Variants in PHLDB2 observed in about 807,000 individuals in gnomAD.
PHLDB2 encodes the protein pleckstrin homology-like domain family B member 2.
In PHLDB2, 71 loss-of-function variants were observed where a neutral mutation model predicts 123.6. That is an observed-to-expected ratio of 0.57 (90% CI 0.47 to 0.70). PHLDB2 has a LOEUF of 0.70. Ranked by LOEUF, PHLDB2 falls within the 30% of genes least tolerant of loss-of-function variation. The pLI is 0.00. For missense variants in PHLDB2, 1,446 were observed against 1,519.5 expected (o/e 0.95, Z 0.80); for synonymous variants, 547 against 541.6 (o/e 1.01, Z -0.14).
chr3:111,884,035 G>T, intron 1 of PHLDB2, 29 bp from the exon 2 acceptor site: 1 of 1,570,132 alleles, frequency 6.4e-7, no homozygotes, highest in South Asian at 1.2e-5. Context: ...CTTCTTTAAG[G>T]CAAAATTTTC....
intron 2 of PHLDB2, among the ~76,000 whole-genome samples, chr3:111,900,966 C>T (rs2067160298): frequency 6.6e-6 from 1 of 152,024 alleles, no homozygotes; most frequent in African/African-American, 2.4e-5. Context: ...AAGCGATCCT[C>T]CTGCCTCAGC....
chr3:111,901,378 AAC>A (rs1166277361), intron 2 of PHLDB2, among the ~76,000 whole-genome samples: 4 of 150,860 alleles, frequency 2.7e-5, no homozygotes, highest in Admixed American at 1.3e-4. Context: ...AAAAAAAATT[AAC>A]ACATAATATT....
chr3:111,800,191 G>A (rs1465493262), intron 1 of PHLDB2, among the ~76,000 whole-genome samples: 2 of 152,108 alleles, frequency 1.3e-5, no homozygotes, highest in Non-Finnish European at 2.9e-5. Flanking sequence ...ATTTTCTGTA[G>A]AGATGGGGTT....
chr3:111,964,117 A>G (rs2071596229), intron 13 of PHLDB2, among the ~76,000 whole-genome samples: 1 of 152,182 alleles, frequency 6.6e-6, no homozygotes, highest in South Asian at 2.1e-4. Context: ...ATTAAATACT[A>G]TTAGTAGTTT....
chr3:111,766,057 G>A (rs542456110), intron 1 of PHLDB2, among the ~76,000 whole-genome samples: 86 of 152,246 alleles, frequency 5.6e-4, no homozygotes, highest in African/African-American at 2.0e-3. Flanking sequence ...CAGCTTTGTT[G>A]TATAGATCAA....
chr3:111,970,112 T>G (rs967760492), intron 16 of PHLDB2, among the ~76,000 whole-genome samples: 2 of 152,170 alleles, frequency 1.3e-5, no homozygotes, highest in Non-Finnish European at 2.9e-5. Context: ...ATAATAAACT[T>G]TATATGTTAC....
At chr3:111,899,958 A>G (rs980776200) in intron 2 of PHLDB2, among the ~76,000 whole-genome samples, 3 of 152,134 alleles carry the variant, frequency 2.0e-5, no homozygotes, top group African/African-American at 4.8e-5. Context: ...GATCTTTCCA[A>G]TTGACTTGCT....
chr3:111,781,131 A>C (rs1429887721), intron 1 of PHLDB2, among the ~76,000 whole-genome samples: 3 of 152,086 alleles, frequency 2.0e-5, no homozygotes, highest in Non-Finnish European at 4.4e-5. Context: ...AGTTGACCTC[A>C]TTATGGGCCA....
chr3:111,851,247 T>C (rs77341687), intron 2 of PHLDB2, among the ~76,000 whole-genome samples: 4,091 of 150,500 alleles, frequency 0.027, 112 homozygotes, highest in Admixed American at 0.07. Context: ...GCGATTCTCC[T>C]GAGAGAAGCA....
intron 13 of PHLDB2, among the ~76,000 whole-genome samples, chr3:111,963,690 C>T (rs936536656): frequency 2.0e-5 from 3 of 152,148 alleles, no homozygotes; most frequent in Admixed American, 1.3e-4. Context: ...TAATAAACCA[C>T]GAGACCAAGT....
At chr3:111,917,574 T>C (rs1469503403) in intron 3 of PHLDB2, 3 of 152,204 alleles carry the variant, frequency 2.0e-5, no homozygotes, top group Non-Finnish European at 4.4e-5. Context: ...GACAATGAGC[T>C]TTATTGTCTG....
At chr3:111,912,548 T>A (rs901207775) in intron 2 of PHLDB2, among the ~76,000 whole-genome samples, 4 of 152,108 alleles carry the variant, frequency 2.6e-5, no homozygotes, top group African/African-American at 9.7e-5. Flanking sequence ...AAGACCTTTA[T>A]ATGGTGACCA....
At chr3:111,952,364 T>C (rs142958012) in intron 10 of PHLDB2, among the ~76,000 whole-genome samples, 3 of 152,220 alleles carry the variant, frequency 2.0e-5, no homozygotes, top group African/African-American at 7.2e-5. Context: ...TTTAAAGATT[T>C]CTAGGTTCAG....
chr3:111,818,503 T>A (rs1298274261), intron 1 of PHLDB2, among the ~76,000 whole-genome samples: 1 of 152,152 alleles, frequency 6.6e-6, no homozygotes, highest in African/African-American at 2.4e-5. Flanking sequence ...CTGACTTTTT[T>A]CCCAGTAGGC....
intron 1 of PHLDB2, among the ~76,000 whole-genome samples, chr3:111,736,043 C>T (rs1941677875): frequency 6.6e-6 from 1 of 152,192 alleles, no homozygotes; most frequent in Admixed American, 6.5e-5. Flanking sequence ...TTCCCACTCA[C>T]ACAAGATGTT....
chr3:111,957,737 A>G (rs895686930), intron 12 of PHLDB2, among the ~76,000 whole-genome samples: 2 of 152,242 alleles, frequency 1.3e-5, no homozygotes, highest in East Asian at 1.9e-4. Context: ...AGAGTGAAGT[A>G]TAGTTTAAAT....
chr3:111,859,632 CAGGA>C (rs2064694919), intron 1 of PHLDB2, 56 bp downstream of exon 1: 1 of 984,894 alleles, frequency 1.0e-6, no homozygotes, highest in Admixed American at 6.1e-5. Flanking sequence ...CTCCGTGTGC[CAGGA>C]GTGCGTCCCG....
At chr3:111,820,872 T>C (rs2062342770) in intron 1 of PHLDB2, among the ~76,000 whole-genome samples, 2 of 152,070 alleles carry the variant, frequency 1.3e-5, no homozygotes, top group Admixed American at 1.3e-4. Flanking sequence ...ACACCAGGAG[T>C]TGTCAGGATA....
At position 111,884,494 on chromosome 3, in the gene PHLDB2, C is replaced by G. The variant is rs781046112; in HGVS notation, c.417C>G (p.Ala139=). ...DHYTGRDSER[A]LRLSEKPPYS... is the part of the protein sequence containing the mutation. ...ATACTGGCCGGGACAGTGAAAGGGC[C>G]TTGAGGCTCTCAGAGAAGCCTCCCT... is the stretch of plus-strand genomic sequence containing the variant. The change falls in exon 2 of 18, where the codon GCC becomes GCG. Residue 139 remains alanine (A), a synonymous_variant. Transcript: ENST00000431670. 4.3e-6 allele frequency: 7 copies of G among 1,614,138 alleles called. No individual in the cohort carries two copies. In the South Asian group the frequency reaches 6.6e-5, roughly 15 times the overall value.
Sources: gnomAD v4.1 joint callset for allele counts (sites outside exome capture counted in the v4.1 genomes callset) on GRCh38, gnomAD v4.1.1 for gene constraint, MANE v1.5 for transcripts, NCBI Gene and HGNC (gene_info 2026-07-23, HGNC 2026-07-21) for gene names.